Variants in LMTK3 observed in about 807,000 individuals in gnomAD.
LMTK3 encodes lemur tail kinase 3.
LMTK3 carries 27 observed loss-of-function variants against 116.7 expected under a neutral mutation model. That is an observed-to-expected ratio of 0.23 (90% CI 0.17 to 0.32). LMTK3 has a LOEUF of 0.32. Ranked by LOEUF, LMTK3 falls within the 10% of genes least tolerant of loss-of-function variation. LMTK3 has a pLI of 1.00. For synonymous variants in LMTK3, 965 were observed against 971.0 expected (o/e 0.99, Z 0.11); for missense variants, 1,764 against 2,068.5 (o/e 0.85, Z 2.86).
intron 14 of LMTK3, among the ~76,000 whole-genome samples, chr19:48,487,780 T>C (rs1048319762): frequency 2.0e-5 from 3 of 152,066 alleles, no homozygotes; most frequent in African/African-American, 7.2e-5. Context: ...ACCCTGTACT[T>C]TGTACCTGGG....
rs761601326 is a variant in LMTK3 at position 48,489,706 on chromosome 19, ATT to A, written c.4366+1400_4366+1401del. ...ATCTCATGAGTTAGATCCTGTTATC[ATT>A]CCCACTCTACAGATGAGGGAACTGA... On this transcript the variant is annotated intron_variant, in intron 14 of 14. Coordinates refer to ENST00000600059, the MANE Select transcript of LMTK3 (RefSeq NM_001388485.1). Among the ~76,000 whole-genome samples, 10 of 152,218 alleles carry A rather than the reference ATT, an allele frequency of 6.6e-5. No homozygotes were observed. In the East Asian group the frequency reaches 9.6e-4, roughly 15 times the overall value.
At chr19:48,489,382 G>A (rs1453150711) in intron 14 of LMTK3, among the ~76,000 whole-genome samples, 1 of 152,176 alleles carries the variant, frequency 6.6e-6, no homozygotes, top group Non-Finnish European at 1.5e-5. Context: ...AGACCAGCCT[G>A]TCCAACATGG....
At position 48,491,232 on chromosome 19, in the gene LMTK3, C is replaced by T; in HGVS notation, c.4242G>A (p.Glu1414=). Residue 1414 remains glutamate, a synonymous_variant, in exon 14 of 15, where the codon GAG becomes GAA. Transcript: ENST00000600059. The surrounding 1 kb of genome is among the most constrained non-coding windows in gnomAD (Gnocchi z 5.1). Reference sequence around the variant, plus strand: ...GGAGGAGGGGGAAATCCTCCGCCCACTCGAAACTGCCTCCTGCGGCAGAAG... The same window carrying T: ...GGAGGAGGGGGAAATCCTCCGCCCATTCGAAACTGCCTCCTGCGGCAGAAG... ...SNDSGFGGSF[E]WAEDFPLLPP... 2 of 1,408,734 alleles carry T rather than the reference C, an allele frequency of 1.4e-6. No homozygotes were observed. Among genetic ancestry groups the T allele is most frequent in the Non-Finnish European group, 1.9e-6 (2 of 1,078,348 alleles). 87.3% of individuals were successfully genotyped at this position (1,408,734 alleles called of 1,614,324 possible).
chr19:48,498,992 C>T lies in LMTK3; in HGVS notation c.2077G>A (p.Gly693Arg). Residue 693 changes from glycine (G) to arginine (R), a missense_variant, in exon 11 of 15, where the codon GGA (glycine) becomes AGA (arginine). By Grantham distance (125) the Gly-to-Arg change is moderately radical. Around this residue, in one of 7 missense-constraint regions of LMTK3, gnomAD observed 1,028 missense variants for 1,050.6 expected, o/e 0.98. Transcript: ENST00000600059. ...GGGCAGCCAAGAGCAGGGTGGCCTC[C>T]CCAGCCTGCTACGGCGTCCCCCCGC... ...LERGDAVAGWGGHPALGCPHP... is the reference protein window; with the variant it reads ...LERGDAVAGWRGHPALGCPHP... 1 of 1,392,526 alleles carries T rather than the reference C, an allele frequency of 7.2e-7. No homozygotes were observed. Among genetic ancestry groups the T allele is most frequent in the Non-Finnish European group, 9.3e-7 (1 of 1,072,408 alleles). 86.3% of individuals were successfully genotyped at this position (1,392,526 alleles called of 1,614,324 possible).
At position 48,500,516 on chromosome 19, in the gene LMTK3, C is replaced by G. The variant is rs1972444480; in HGVS notation, c.1151+480G>C. Among the ~76,000 whole-genome samples the G allele has an allele frequency of 1.3e-5, 2 of 151,814 alleles. No individual in the cohort carries two copies. Among genetic ancestry groups the G allele is most frequent in the African/African-American group, 4.8e-5 (2 of 41,312 alleles). On this transcript the variant is annotated intron_variant, in intron 10 of 14. Coordinates refer to ENST00000600059, the MANE Select transcript of LMTK3 (RefSeq NM_001388485.1). This position sits in a 1 kb window ranked among gnomAD's most constrained non-coding sequence, Gnocchi z 4.0. The stretch of plus-strand genomic sequence containing the variant: ...ACAGAGACCTAGAGAGAGAGGGAAA[C>G]ATAGACCCAAAAAGTGGGGCAGAGA...
chr19:48,511,406 G>T, intron 1 of LMTK3, 95 bp downstream of exon 1: 1 of 485,450 alleles, frequency 2.1e-6, no homozygotes, highest in South Asian at 7.2e-5. Flanking sequence ...CGCACCAGGT[G>T]ACGGGGCAGG....
Position 48,498,427 on chromosome 19 carries a change from G to A in LMTK3, c.2642C>T (p.Thr881Ile). 2.5e-6 allele frequency: 4 copies of A among 1,606,912 alleles called. No individual in the cohort carries two copies. Among genetic ancestry groups the A allele is most frequent in the Non-Finnish European group, 3.4e-6 (4 of 1,176,836 alleles). ...TRNLLGEKGA[T>I]ARETGPRKAG... ...CTTCCTGGGTCCTGTCTCCCGGGCT[G>A]TCGCCCCCTTCTCCCCCAGGAGGTT... Residue 881 changes from threonine to isoleucine, a missense_variant, in exon 11 of 15, where the codon ACA becomes ATA. Physicochemically the swap from Thr to Ile is moderately conservative, Grantham distance 89 (BLOSUM62 -1). Coordinates refer to ENST00000600059, the MANE Select transcript of LMTK3 (RefSeq NM_001388485.1).
chr19:48,498,628 T>A lies in LMTK3; in HGVS notation c.2441A>T (p.Glu814Val), dbSNP rs1413831848. The A allele has an allele frequency of 6.5e-7, 1 of 1,539,156 alleles. No homozygotes were observed. The highest frequency in any genetic ancestry group is 1.2e-5 in the South Asian group (1 of 83,786). Reference protein sequence around the residue: ...EGAFPGGGAAEEEGVPRPRAP... With the variant: ...EGAFPGGGAAVEEGVPRPRAP... ...CCGCGGCCGAGGGACCCCTTCCTCCTCGGCCGCCCCCCCACCTGGGAAGGC... is the reference window on the plus strand; with the variant it reads ...CCGCGGCCGAGGGACCCCTTCCTCCACGGCCGCCCCCCCACCTGGGAAGGC... The change falls in exon 11 of 15, where the codon GAG becomes GTG. Residue 814 changes from glutamate to valine, a missense_variant. By Grantham distance (121) the Glu-to-Val change is moderately radical. This residue lies in a region of LMTK3 where 1,028 missense variants were observed against 1,050.6 expected (regional missense o/e 0.98). Transcript: ENST00000600059.
In LMTK3 at chr19:48,499,571, C is replaced by A. The variant is rs1231903401; in HGVS notation, c.1498G>T (p.Ala500Ser). Reference sequence around the variant, plus strand: ...GCGTGGGGGGCCGGGGGGGCCGACGCCGGCTGCCAGGCAGGTGCCCCCCCA... The same window carrying A: ...GCGTGGGGGGCCGGGGGGGCCGACGACGGCTGCCAGGCAGGTGCCCCCCCA... The part of the protein sequence containing the change: ...RGGGAPAWQP[A>S]SAPPAPHANP... The change falls in exon 11 of 15, where the codon GCG becomes TCG. Residue 500 changes from alanine to serine, a missense_variant. Physicochemically the swap from Ala to Ser is moderately conservative, Grantham distance 99. Around this residue, in one of 7 missense-constraint regions of LMTK3, gnomAD observed 1,028 missense variants for 1,050.6 expected, o/e 0.98. Coordinates refer to ENST00000600059, the MANE Select transcript of LMTK3 (RefSeq NM_001388485.1). The A allele has an allele frequency of 6.6e-7, 1 of 1,522,892 alleles. No individual in the cohort carries two copies. Among genetic ancestry groups the A allele is most frequent in the Non-Finnish European group, 8.8e-7 (1 of 1,137,182 alleles). The allele number at this position is 1,522,892 out of a possible 1,614,324, so 94.3% of individuals were successfully genotyped here. A position where few individuals can be genotyped will look rare whatever the true frequency, so the allele number is the denominator to read the frequency against.
At position 48,511,544 on chromosome 19, in the gene LMTK3, C is replaced by A; in HGVS notation, c.33G>T (p.Ala11=). The A allele has an allele frequency of 7.0e-7, 1 of 1,437,010 alleles. No homozygotes were observed. Among genetic ancestry groups the A allele is most frequent in the Non-Finnish European group, 9.2e-7 (1 of 1,081,970 alleles). The allele number at this position is 1,437,010 out of a possible 1,614,324, so 89.0% of individuals were successfully genotyped here. ...CCAGGCAGCCGGAGGCGGAGACGGC[C>A]GCAAGGAGGATGAGGGCGCCGGGGG... MPAPGALILL[A]AVSASGCLAS... is the part of the protein sequence containing the mutation. Residue 11 remains alanine, a synonymous_variant, in exon 1 of 15, where the codon GCG becomes GCT. Coordinates refer to ENST00000600059, the MANE Select transcript of LMTK3 (RefSeq NM_001388485.1).
chr19:48,496,123 TG>T (rs940447424), intron 11 of LMTK3, among the ~76,000 whole-genome samples: 36 of 151,876 alleles, frequency 2.4e-4, no homozygotes, highest in Non-Finnish European at 4.1e-4. Context: ...TGTTTTGTTT[TG>T]TTTGAGACAG....
At position 48,502,595 on chromosome 19, in the gene LMTK3, AAAG is replaced by A; in HGVS notation, c.646-17_646-15del. The A allele has an allele frequency of 1.3e-6, 2 of 1,524,856 alleles. No individual in the cohort carries two copies. The highest frequency in any genetic ancestry group is 1.8e-6 in the Non-Finnish European group (2 of 1,139,652). The allele number at this position is 1,524,856 out of a possible 1,614,324, so 94.5% of individuals were successfully genotyped here. A position where few individuals can be genotyped will look rare whatever the true frequency, so the allele number is the denominator to read the frequency against. ...CTTCAGGTCCCCCTGGGAGGGAGGCAAAGAAGGTCAGCACCACCAGCCGCTCAG... is the reference window on the plus strand; with the variant it reads ...CTTCAGGTCCCCCTGGGAGGGAGGCAAAGGTCAGCACCACCAGCCGCTCAG... On this transcript the variant is annotated splice_polypyrimidine_tract_variant and intron_variant, in intron 6 of 14. Transcript: ENST00000600059.
At position 48,499,187 on chromosome 19, in the gene LMTK3, C is replaced by T. The variant is rs758881016; in HGVS notation, c.1882G>A (p.Val628Ile). Residue 628 changes from valine (V) to isoleucine (I), a missense_variant, in exon 11 of 15, where the codon GTC becomes ATC. Transcript: ENST00000600059. ...GGGGCGGTCCCCCGCTCCCCCAAGA[C>T]CTCGGCAGGGTCTCCCGCCAGGGTC... ...GETLAGDPAEVLGERGTAPWV... is the reference protein window; with the variant it reads ...GETLAGDPAEILGERGTAPWV... 263 of 1,469,000 alleles carry T rather than the reference C, an allele frequency of 1.8e-4. No individual in the cohort carries two copies. Among genetic ancestry groups the T allele is most frequent in the Non-Finnish European group, 2.3e-4 (252 of 1,107,584 alleles). The allele number at this position is 1,469,000 out of a possible 1,614,324, so 91.0% of individuals were successfully genotyped here.
At chr19:48,513,011 A>C (rs1427146284), upstream of LMTK3, 10 of 777,102 alleles carry the variant, frequency 1.3e-5, no homozygotes, top group Middle Eastern at 2.5e-4. This position sits in a 1 kb window ranked among gnomAD's most constrained non-coding sequence, Gnocchi z 5.6. Flanking sequence ...TTACAAAGAC[A>C]CAGAACCCCA....
At chr19:48,511,299 C>G (rs1425102074) in intron 1 of LMTK3, among the ~76,000 whole-genome samples, 2 of 152,198 alleles carry the variant, frequency 1.3e-5, no homozygotes, top group African/African-American at 4.8e-5. Context: ...CCAAACGGAG[C>G]CCCCTCCCCA....
chr19:48,492,177 C>A (rs750294073), intron 12 of LMTK3, among the ~76,000 whole-genome samples: 4 of 152,154 alleles, frequency 2.6e-5, no homozygotes, highest in Non-Finnish European at 4.4e-5. Flanking sequence ...TTTTTCTCTT[C>A]AACACCATAT....
At position 48,511,552 on chromosome 19, in the gene LMTK3, G is replaced by A. The variant is rs773823450; in HGVS notation, c.25C>T (p.Leu9Phe). 4 of 1,449,014 alleles carry A rather than the reference G, an allele frequency of 2.8e-6. No individual in the cohort carries two copies. The highest frequency in any genetic ancestry group is 3.7e-6 in the Non-Finnish European group (4 of 1,088,818). The allele number at this position is 1,449,014 out of a possible 1,614,324, so 89.8% of individuals were successfully genotyped here. A position where few individuals can be genotyped will look rare whatever the true frequency, so the allele number is the denominator to read the frequency against. ...CCGGAGGCGGAGACGGCCGCAAGGAGGATGAGGGCGCCGGGGGCAGGCATC... is the reference window on the plus strand; with the variant it reads ...CCGGAGGCGGAGACGGCCGCAAGGAAGATGAGGGCGCCGGGGGCAGGCATC... MPAPGALI[L>F]LAAVSASGCL... is the part of the protein sequence containing the mutation. The change falls in exon 1 of 15, where the codon CTC becomes TTC. Residue 9 changes from leucine to phenylalanine, a missense_variant. Leu to Phe is a conservative substitution (Grantham distance 22). Around this residue, in one of 7 missense-constraint regions of LMTK3, gnomAD observed 66 missense variants for 61.1 expected, o/e 1.08. Coordinates refer to ENST00000600059, the MANE Select transcript of LMTK3 (RefSeq NM_001388485.1).
chr19:48,513,085 C>G, upstream of LMTK3: 13 of 1,444,696 alleles, frequency 9.0e-6, no homozygotes, highest in Non-Finnish European at 7.7e-6. This position sits in a 1 kb window ranked among gnomAD's most constrained non-coding sequence, Gnocchi z 5.6. Flanking sequence ...AAGAGTCACA[C>G]ACCCACAACA....
In LMTK3 at chr19:48,498,243, C is replaced by T. The variant is rs1191740875; in HGVS notation, c.2826G>A (p.Lys942=). 6.2e-7 allele frequency: 1 copy of T among 1,613,676 alleles called. No individual in the cohort carries two copies. The highest frequency in any genetic ancestry group is 1.7e-5 in the Admixed American group (1 of 59,986). The part of the protein sequence containing the change: ...GDQRAPGIEE[K]AAENGALGSP... The stretch of plus-strand genomic sequence containing the variant: ...ACCCCAGGGCCCCATTCTCCGCCGC[C>T]TTCTCCTCGATGCCTGGGGCTCTCT... Residue 942 remains lysine (K), a synonymous_variant, in exon 11 of 15, where the codon AAG becomes AAA. Transcript: ENST00000600059.
Sources: allele counts gnomAD v4.1 joint callset (sites outside exome capture counted in the v4.1 genomes callset), GRCh38; gene constraint gnomAD v4.1.1; regional missense constraint gnomAD v4.1.1; non-coding constraint Gnocchi (gnomAD v3.1); transcripts MANE v1.5; gene names NCBI Gene and HGNC (gene_info 2026-07-23, HGNC 2026-07-21).